CELF2: variants seen among roughly 807,000 people sequenced by gnomAD.
The protein encoded by CELF2 is CUG triplet repeat RNA-binding protein 2.
Under a neutral mutation model 62.6 loss-of-function variants are expected in CELF2, and 8 were observed. The ratio of observed to expected loss-of-function variants is 0.13; its 90% confidence interval spans 0.07 to 0.23. CELF2 has a LOEUF of 0.23. Among genes scored for constraint, CELF2 ranks in the 10% least tolerant of loss-of-function variants. The pLI, the probability that CELF2 is intolerant of heterozygous loss-of-function variation, is 1.00. For missense variants in CELF2, 333 were observed against 671.0 expected (o/e 0.50, Z 5.56); for synonymous variants, 258 against 250.0 (o/e 1.03, Z -0.30).
chr10:10,927,370 C>A (rs1290395615), intron 2 of CELF2: 2 of 107,090 alleles, frequency 1.9e-5, no homozygotes, highest in Non-Finnish European at 3.6e-5. Context: ...AAAAAAACAC[C>A]TTTTTCTGTT....
chr10:11,165,663 G>A lies in CELF2; in HGVS notation c.252G>A (p.Gln84=). The stretch of plus-strand genomic sequence containing the variant: ...TCAACGTCCTCCGGGACCGGAGTCA[G>A]AACCCTCCGCAGAGTAAAGGTACAG... ...YQINVLRDRS[Q]NPPQSKGCCF... Residue 84 remains glutamine, a synonymous_variant, in exon 2 of 13, where the codon CAG becomes CAA. Transcript: ENST00000633077. The surrounding 1 kb of genome is among the most constrained non-coding windows in gnomAD (Gnocchi z 7.4). The A allele has an allele frequency of 6.2e-7, 1 of 1,613,688 alleles. No homozygotes were observed. Among genetic ancestry groups the A allele is most frequent in the Non-Finnish European group, 8.5e-7 (1 of 1,179,802 alleles).
intron 1 of CELF2, among the ~76,000 whole-genome samples, chr10:10,828,305 G>A (rs2057574787): frequency 6.6e-6 from 1 of 152,174 alleles, no homozygotes; most frequent in Non-Finnish European, 1.5e-5. Flanking sequence ...TGTGGTATAT[G>A]CATATAATGG....
At chr10:10,486,270 T>G in the CELF2 span, among the ~76,000 whole-genome samples, 1 of 152,196 alleles carries the variant, frequency 6.6e-6, no homozygotes, top group Non-Finnish European at 1.5e-5. Context: ...CTTTTCCTTT[T>G]CTCACTGGTT....
the CELF2 span, among the ~76,000 whole-genome samples, chr10:10,619,372 G>A: frequency 1.3e-5 from 2 of 152,288 alleles, no homozygotes; most frequent in African/African-American, 4.8e-5. Flanking sequence ...CTCCCAATTA[G>A]AGGCTATGGA....
the CELF2 span, among the ~76,000 whole-genome samples, chr10:10,547,113 A>T: frequency 2.0e-5 from 3 of 152,196 alleles, no homozygotes; most frequent in Non-Finnish European, 2.9e-5. Flanking sequence ...TCTTAAAAAA[A>T]TTGATATTCA....
chr10:10,519,638 T>G, the CELF2 span, among the ~76,000 whole-genome samples: 1 of 152,172 alleles, frequency 6.6e-6, no homozygotes, highest in Non-Finnish European at 1.5e-5. Flanking sequence ...AAGTAAACAA[T>G]TTCGGGTTGT....
At chr10:10,860,488 G>A (rs1324213620) in intron 1 of CELF2, among the ~76,000 whole-genome samples, 1 of 152,124 alleles carries the variant, frequency 6.6e-6, no homozygotes, top group Admixed American at 6.6e-5. Context: ...AAAATGCAAA[G>A]TTATCAAAAG....
chr10:10,605,706 G>A, the CELF2 span, among the ~76,000 whole-genome samples: 1 of 152,198 alleles, frequency 6.6e-6, no homozygotes, highest in Non-Finnish European at 1.5e-5. Context: ...AAGATCATGT[G>A]TGTTTGCGCA....
chr10:11,145,351 A>T lies in CELF2; in HGVS notation c.75-20135A>T, dbSNP rs948121367. On this transcript the variant is annotated intron_variant, in intron 1 of 12. Transcript: ENST00000633077. The surrounding 1 kb of genome is among the most constrained non-coding windows in gnomAD (Gnocchi z 4.3). Reference sequence around the variant, plus strand: ...CTTCAGATGGGTTTGCAGGAGTGTCAGGATTCAGGAGCGTCTCTGAAAGGT... The same window carrying T: ...CTTCAGATGGGTTTGCAGGAGTGTCTGGATTCAGGAGCGTCTCTGAAAGGT... 6.6e-6 allele frequency among the ~76,000 whole-genome samples: 1 copy of T among 152,250 alleles called. No homozygotes were observed. The highest frequency in any genetic ancestry group is 1.5e-5 in the Non-Finnish European group (1 of 68,046).
At chr10:11,043,272 A>C (rs1412401809) in intron 1 of CELF2, among the ~76,000 whole-genome samples, 3 of 152,236 alleles carry the variant, frequency 2.0e-5, no homozygotes, top group African/African-American at 7.2e-5. Context: ...AGGCAGGGCC[A>C]GGGCTGGTAG....
intron 2 of CELF2, among the ~76,000 whole-genome samples, chr10:10,981,612 A>G (rs1429374030): frequency 6.6e-6 from 1 of 152,246 alleles, no homozygotes; most frequent in Non-Finnish European, 1.5e-5. Context: ...GGTATTTCCA[A>G]CAGTGTTTGC....
the CELF2 span, among the ~76,000 whole-genome samples, chr10:10,569,003 A>C: frequency 6.6e-6 from 1 of 152,184 alleles, no homozygotes. Flanking sequence ...GAAATAAAAT[A>C]GAAAAAAGGC....
rs923202290 is a variant in CELF2, at chr10:11,320,916, G to A, written c.1097-273G>A. Reference sequence around the variant, plus strand: ...TAACAACGGTACTTGCCAGTAGCACGCTGCATGGCATTGAGCTGTCTCGTC... The same window carrying A: ...TAACAACGGTACTTGCCAGTAGCACACTGCATGGCATTGAGCTGTCTCGTC... On this transcript the variant is annotated intron_variant, in intron 10 of 12. Coordinates refer to ENST00000633077, the MANE Select transcript of CELF2 (RefSeq NM_001326342.2). 13 of 1,547,660 alleles carry A rather than the reference G, an allele frequency of 8.4e-6. No individual in the cohort carries two copies. In the East Asian group the frequency reaches 2.0e-4, roughly 23 times the overall value.
the CELF2 span, among the ~76,000 whole-genome samples, chr10:10,586,484 A>G: frequency 6.6e-6 from 1 of 152,154 alleles, no homozygotes; most frequent in East Asian, 1.9e-4. Context: ...ACATCCTACA[A>G]TTAATGTCAT....
At position 11,280,719 on chromosome 10, in the gene CELF2, G is replaced by A. The variant is rs2088167827; in HGVS notation, c.841+5599G>A. Among the ~76,000 whole-genome samples the A allele has an allele frequency of 6.6e-6, 1 of 152,222 alleles. No individual in the cohort carries two copies. The highest frequency in any genetic ancestry group is 2.4e-5 in the African/African-American group (1 of 41,468). ...ATGGACAGAGGACACATGGGCCACG[G>A]CCTCTGCCTGGCTGAGTGGACAGAG... On this transcript the variant is annotated intron_variant, in intron 8 of 12. Transcript: ENST00000633077. The surrounding 1 kb of genome is among the most constrained non-coding windows in gnomAD (Gnocchi z 7.6).
At chr10:10,468,570 T>G in the CELF2 span, among the ~76,000 whole-genome samples, 1 of 152,026 alleles carries the variant, frequency 6.6e-6, no homozygotes, top group African/African-American at 2.4e-5. Flanking sequence ...CAACTTTAAT[T>G]TCTTAGTCAG....
At chr10:10,484,011 C>A in the CELF2 span, among the ~76,000 whole-genome samples, 1 of 84,316 alleles carries the variant, frequency 1.2e-5, no homozygotes, top group Non-Finnish European at 2.4e-5. Flanking sequence ...CTTTCTCCCT[C>A]CCTCCCTCCC....
chr10:10,782,002 C>T, the CELF2 span, among the ~76,000 whole-genome samples: 4 of 152,010 alleles, frequency 2.6e-5, no homozygotes, highest in Admixed American at 6.6e-5. Flanking sequence ...ACATTTTATT[C>T]GGTATTTTAA....
intron 1 of CELF2, among the ~76,000 whole-genome samples, chr10:10,903,060 C>T (rs968613845): frequency 1.3e-5 from 2 of 152,108 alleles, no homozygotes; most frequent in African/African-American, 4.8e-5. Context: ...GAGAACTCGT[C>T]TAGGAGCTCA....
Sources: allele counts gnomAD v4.1 joint callset (sites outside exome capture counted in the v4.1 genomes callset), GRCh38; gene constraint gnomAD v4.1.1; non-coding constraint Gnocchi (gnomAD v3.1); transcripts MANE v1.5; gene names NCBI Gene and HGNC (gene_info 2026-07-23, HGNC 2026-07-21).